The following ZDHHC13 variants were observed in gnomAD, a reference collection of about 807,000 sequenced individuals.
ZDHHC13 encodes the protein zDHHC palmitoyltransferase 13.
Under a neutral mutation model 86.0 loss-of-function variants are expected in ZDHHC13, and 85 were observed. That is an observed-to-expected ratio of 0.99 (90% CI 0.83 to 1.18). The LOEUF (loss-of-function observed/expected upper bound fraction) is 1.18. ZDHHC13 is among the 50% of genes most tolerant of loss of function. ZDHHC13 has a pLI of 0.00. For synonymous variants in ZDHHC13, 263 were observed against 246.4 expected (o/e 1.07, Z -0.63); for missense variants, 711 against 730.2 (o/e 0.97, Z 0.30).
chr11:19,130,043 A>G lies in ZDHHC13; in HGVS notation c.27+12767A>G, dbSNP rs187771742. Among the ~76,000 whole-genome samples, 1,038 of 152,108 alleles carry G rather than the reference A, an allele frequency of 6.8e-3. 9 individuals are homozygous for G. The highest frequency in any genetic ancestry group is 0.024 in the African/African-American group (980 of 41,486). On this transcript the variant is annotated intron_variant, in intron 1 of 16. Transcript: ENST00000446113. ...GCAGAGCTTGCAGTGAGCCGAGATC[A>G]CGCCACTGCACTCCAGCCTGGGCAA...
At chr11:19,157,651 A>G (rs1849794846) in intron 9 of ZDHHC13, among the ~76,000 whole-genome samples, 1 of 152,242 alleles carries the variant, frequency 6.6e-6, no homozygotes, top group African/African-American at 2.4e-5. Flanking sequence ...AAGCCAAATC[A>G]CCAGGGATCA....
chr11:19,169,290 C>G (rs1401253361), intron 14 of ZDHHC13: 2 of 985,248 alleles, frequency 2.0e-6, no homozygotes, highest in Non-Finnish European at 2.4e-6. Flanking sequence ...CTTTGCCATC[C>G]TAATGAGATG....
rs1323099999 is a variant in ZDHHC13 at position 19,140,171 on chromosome 11, C to G, written c.28-2807C>G. Among the ~76,000 whole-genome samples the G allele has an allele frequency of 2.7e-5, 4 of 150,870 alleles. No individual in the cohort carries two copies. The East Asian group carries it at 7.8e-4, about 29-fold the overall frequency. ...AAATTTTCGCAACCTACTCATCTGACAAAGGGCTAATATCCAGAATCTACA... is the reference window on the plus strand; with the variant it reads ...AAATTTTCGCAACCTACTCATCTGAGAAAGGGCTAATATCCAGAATCTACA... On this transcript the variant is annotated intron_variant, in intron 1 of 16. Transcript: ENST00000446113.
intron 14 of ZDHHC13, chr11:19,168,638 T>C (rs925181030): frequency 5.2e-6 from 1 of 190,496 alleles, no homozygotes; most frequent in African/African-American, 2.4e-5. Context: ...CCTTGTGTCA[T>C]TTATTATTAT....
At chr11:19,163,824 G>A (rs1299097938) in intron 11 of ZDHHC13, among the ~76,000 whole-genome samples, 2 of 152,134 alleles carry the variant, frequency 1.3e-5, no homozygotes, top group Non-Finnish European at 2.9e-5. Context: ...CCTCAAATGT[G>A]AAGTTGTCAG....
chr11:19,135,847 C>A (rs1235383877), intron 1 of ZDHHC13, among the ~76,000 whole-genome samples: 1 of 152,150 alleles, frequency 6.6e-6, no homozygotes, highest in Non-Finnish European at 1.5e-5. Context: ...CTCCAACAGA[C>A]CTGCAGCTGA....
chr11:19,139,528 T>C (rs898609114), intron 1 of ZDHHC13, among the ~76,000 whole-genome samples: 2 of 132,554 alleles, frequency 1.5e-5, no homozygotes, highest in African/African-American at 5.3e-5. Flanking sequence ...CCCATCAAGC[T>C]ACCAATGACT....
intron 10 of ZDHHC13, among the ~76,000 whole-genome samples, chr11:19,161,653 G>C (rs1849914664): frequency 6.7e-6 from 1 of 150,170 alleles, no homozygotes; most frequent in Non-Finnish European, 1.5e-5. Context: ...TCAAACTCAG[G>C]AGAGAAATGG....
At chr11:19,155,581 C>CAAA (rs370534138) in intron 8 of ZDHHC13, among the ~76,000 whole-genome samples, 2 of 46,764 alleles carry the variant, frequency 4.3e-5, no homozygotes, top group African/African-American at 6.5e-5. Flanking sequence ...AACTTCATCT[C>CAAA]AAAAAAAAAA....
intron 1 of ZDHHC13, among the ~76,000 whole-genome samples, chr11:19,139,937 C>T (rs1439287060): frequency 1.4e-3 from 205 of 142,480 alleles, no homozygotes; most frequent in African/African-American, 5.2e-3. Flanking sequence ...AAGACTTAAA[C>T]GTTAGACCTA....
intron 1 of ZDHHC13, among the ~76,000 whole-genome samples, chr11:19,123,891 T>G (rs1315486610): frequency 6.6e-6 from 1 of 152,160 alleles, no homozygotes; most frequent in Non-Finnish European, 1.5e-5. Context: ...GTAAAAAGAT[T>G]GATAATATTC....
intron 8 of ZDHHC13, among the ~76,000 whole-genome samples, chr11:19,153,296 T>C (rs1226194035): frequency 6.6e-6 from 1 of 152,246 alleles, no homozygotes; most frequent in Non-Finnish European, 1.5e-5. Context: ...CTTCAGGTTA[T>C]TCTCATGAAT....
chr11:19,132,684 C>G (rs998003183), intron 1 of ZDHHC13, among the ~76,000 whole-genome samples: 2 of 152,154 alleles, frequency 1.3e-5, no homozygotes, highest in Admixed American at 6.5e-5. Flanking sequence ...GGCTCTAAAA[C>G]AAAGTGTTTT....
Position 19,149,348 on chromosome 11 carries a change from G to T in ZDHHC13, c.519+17G>T. ...AAGGGACAGGTATGTTCTGAAATGTGTCTTATACTCCAGTTTTTATCATCT... is the reference window on the plus strand; with the variant it reads ...AAGGGACAGGTATGTTCTGAAATGTTTCTTATACTCCAGTTTTTATCATCT... On this transcript the variant is annotated intron_variant, in intron 5 of 16. Transcript: ENST00000446113. The T allele has an allele frequency of 1.9e-6, 3 of 1,543,040 alleles. No homozygotes were observed. The highest frequency in any genetic ancestry group is 2.6e-6 in the Non-Finnish European group (3 of 1,136,032).
intron 6 of ZDHHC13, among the ~76,000 whole-genome samples, chr11:19,151,476 A>G (rs888883928): frequency 6.6e-6 from 1 of 151,950 alleles, no homozygotes; most frequent in African/African-American, 2.4e-5. Flanking sequence ...CTTTTTGTTC[A>G]TGGAATGGTA....
rs1386275541 is a variant in ZDHHC13, at chr11:19,169,649, A to G, written c.1475-762A>G. 3 of 985,310 alleles carry G rather than the reference A, an allele frequency of 3.0e-6. No homozygotes were observed. In the African/African-American group the frequency reaches 5.2e-5, roughly 17 times the overall value. 61.0% of individuals were successfully genotyped at this position (985,310 alleles called of 1,614,324 possible). On this transcript the variant is annotated intron_variant, in intron 14 of 16. Transcript: ENST00000446113. ...GCAGGGTGCCTGTAAAAGTCATTGG[A>G]TTTACATAACCTTGAAGATCCGTTC...
chr11:19,145,974 A>C (rs1348143974), intron 2 of ZDHHC13, among the ~76,000 whole-genome samples: 1 of 152,218 alleles, frequency 6.6e-6, no homozygotes, highest in African/African-American at 2.4e-5. Context: ...CTCCAAAGAG[A>C]TTAATCTGAT....
chr11:19,163,352 C>T lies in ZDHHC13; in HGVS notation c.1158C>T (p.Ala386=). 6.2e-7 allele frequency: 1 copy of T among 1,605,120 alleles called. No homozygotes were observed. The highest frequency in any genetic ancestry group is 2.3e-5 in the East Asian group (1 of 44,424). Reference sequence around the variant, plus strand: ...TCAGTTTCATTTTCAGCATAGTAGCCTTTCTATACTTTTTCTATAAGACTT... The same window carrying T: ...TCAGTTTCATTTTCAGCATAGTAGCTTTTCTATACTTTTTCTATAAGACTT... The part of the protein sequence containing the change: ...FYFSFIFSIV[A]FLYFFYKTWA... The change falls in exon 11 of 17, where the codon GCC becomes GCT. Residue 386 remains alanine, a synonymous_variant. Transcript: ENST00000446113.
At chr11:19,167,623 A>G (rs1021953620) in intron 14 of ZDHHC13, 1 of 152,038 alleles carries the variant, frequency 6.6e-6, no homozygotes, top group Non-Finnish European at 1.5e-5. Flanking sequence ...TTCCTACCTG[A>G]CGCCTTGGGT....
Sources: gnomAD v4.1 joint callset for allele counts (sites outside exome capture counted in the v4.1 genomes callset) on GRCh38, gnomAD v4.1.1 for gene constraint, MANE v1.5 for transcripts, NCBI Gene and HGNC (gene_info 2026-07-23, HGNC 2026-07-21) for gene names.